The following CCSER2 variants were observed in gnomAD, a reference collection of about 807,000 sequenced individuals.
CCSER2 encodes the protein serine-rich coiled-coil domain-containing protein 2.
A neutral mutation model predicts 92.3 loss-of-function variants in CCSER2; 46 were observed. The ratio of observed to expected loss-of-function variants is 0.50; its 90% confidence interval spans 0.39 to 0.64. The LOEUF (loss-of-function observed/expected upper bound fraction) is 0.64. Ranked by LOEUF, CCSER2 falls within the 30% of genes least tolerant of loss-of-function variation. CCSER2 has a pLI of 0.00. For missense variants in CCSER2, 1,244 were observed against 1,238.9 expected, an observed-to-expected ratio of 1.00 and a Z score of -0.06; for synonymous variants, 433 against 431.4, an observed-to-expected ratio of 1.00 and a Z score of -0.04.
chr10:84,383,560 T>G (rs1047901355), intron 3 of CCSER2, among the ~76,000 whole-genome samples: 1 of 152,176 alleles, frequency 6.6e-6, no homozygotes, highest in Non-Finnish European at 1.5e-5. Context: ...TCTACCCACC[T>G]CAGCCTCCCA....
chr10:84,473,914 A>C (rs886611165), intron 8 of CCSER2, among the ~76,000 whole-genome samples: 1 of 152,126 alleles, frequency 6.6e-6, no homozygotes, highest in African/African-American at 2.4e-5. Context: ...TTATCTTTTT[A>C]AAAAATATAC....
chr10:84,457,329 AATATATTATATATTATATATAAT>A (rs1845763237), intron 6 of CCSER2, among the ~76,000 whole-genome samples: 16 of 53,124 alleles, frequency 3.0e-4, no homozygotes, highest in African/African-American at 9.5e-4. Flanking sequence ...TATTATATAT[AATATATTATATATTATATATAAT>A]ATATATATTT....
chr10:84,436,967 T>C (rs1353893020), intron 5 of CCSER2, among the ~76,000 whole-genome samples: 1 of 152,188 alleles, frequency 6.6e-6, no homozygotes, highest in Non-Finnish European at 1.5e-5. Context: ...TGCGTTGGAA[T>C]TTTTGCACAT....
intron 1 of CCSER2, among the ~76,000 whole-genome samples, chr10:84,362,514 G>A (rs1845555532): frequency 6.6e-6 from 1 of 152,070 alleles, no homozygotes; most frequent in African/African-American, 2.4e-5. Flanking sequence ...TAGTATTTTT[G>A]TTCTTTTAAG....
chr10:84,485,449 A>T (rs1847748800), intron 9 of CCSER2, among the ~76,000 whole-genome samples: 2 of 152,104 alleles, frequency 1.3e-5, no homozygotes, highest in Admixed American at 1.3e-4. Flanking sequence ...TTATTTTCAG[A>T]TTTTTTATAA....
rs552393075 is a variant in CCSER2, at chr10:84,371,760, A to T, written c.708A>T (p.Ser236=). 1 of 1,613,506 alleles carries T rather than the reference A, an allele frequency of 6.2e-7. No homozygotes were observed. Among genetic ancestry groups the T allele is most frequent in the African/African-American group, 1.3e-5 (1 of 74,988 alleles). Reference sequence around the variant, plus strand: ...TTCAGAATTCATTCCTTCCACCTTCATCTATAACCAGATCACATTCCTTTA... The same window carrying T: ...TTCAGAATTCATTCCTTCCACCTTCTTCTATAACCAGATCACATTCCTTTA... ...HSIQNSFLPP[S]SITRSHSFNR... Residue 236 remains serine, a synonymous_variant, in exon 2 of 10, where the codon TCA becomes TCT. Transcript: ENST00000372088.
chr10:84,348,754 ATAAT>A (rs918668955), intron 1 of CCSER2, among the ~76,000 whole-genome samples: 1 of 152,170 alleles, frequency 6.6e-6, no homozygotes, highest in Non-Finnish European at 1.5e-5. Flanking sequence ...TTTTTTGGTA[ATAAT>A]TTTATACTCA....
intron 3 of CCSER2, among the ~76,000 whole-genome samples, chr10:84,380,579 A>C (rs188668140): frequency 6.6e-6 from 1 of 152,066 alleles, no homozygotes. Flanking sequence ...TATTTTGTTT[A>C]CAGAGAGATG....
chr10:84,443,221 T>G (rs1252728081), intron 6 of CCSER2, among the ~76,000 whole-genome samples: 11 of 152,024 alleles, frequency 7.2e-5, no homozygotes, highest in Admixed American at 2.0e-4. Context: ...ACCTAGAGAA[T>G]GGGAGAAAAT....
intron 1 of CCSER2, among the ~76,000 whole-genome samples, chr10:84,364,867 G>C (rs982481833): frequency 6.7e-6 from 1 of 149,998 alleles, no homozygotes; most frequent in Non-Finnish European, 1.5e-5. Flanking sequence ...TCAGCCTCCC[G>C]AGTAGCTCAG....
chr10:84,352,317 C>CAAAAAA (rs138220543), intron 1 of CCSER2, among the ~76,000 whole-genome samples: 7 of 151,520 alleles, frequency 4.6e-5, no homozygotes, highest in African/African-American at 1.7e-4. Flanking sequence ...AAAACAAAAA[C>CAAAAAA]AAAATAGGTG....
intron 1 of CCSER2, among the ~76,000 whole-genome samples, chr10:84,357,064 A>G (rs1285848245): frequency 6.6e-6 from 1 of 152,174 alleles, no homozygotes; most frequent in Non-Finnish European, 1.5e-5. Flanking sequence ...TGTGTTCTCA[A>G]AGAACTTGGC....
chr10:84,466,734 T>C (rs12771126), intron 7 of CCSER2, among the ~76,000 whole-genome samples: 31,700 of 151,516 alleles, frequency 0.21, 3,576 homozygotes, highest in Admixed American at 0.34. Context: ...AGGATTTTCT[T>C]GATCTCCTGA....
intron 6 of CCSER2, among the ~76,000 whole-genome samples, chr10:84,443,072 AG>A (rs1342396655): frequency 1.3e-5 from 2 of 152,354 alleles, no homozygotes; most frequent in African/African-American, 4.8e-5. Flanking sequence ...AATACCATTC[AG>A]GACATAGACA....
chr10:84,483,979 AT>A (rs1564711559), intron 9 of CCSER2, among the ~76,000 whole-genome samples: 1 of 55,790 alleles, frequency 1.8e-5, no homozygotes, highest in East Asian at 7.5e-4. Context: ...ATATATATAT[AT>A]ATATATATAT....
At chr10:84,349,470 C>G (rs1485607458) in intron 1 of CCSER2, among the ~76,000 whole-genome samples, 2 of 151,946 alleles carry the variant, frequency 1.3e-5, no homozygotes, top group Non-Finnish European at 2.9e-5. Context: ...AGTTCGAGAC[C>G]AGCCTGGGCA....
chr10:84,341,931 C>G (rs548311057), intron 1 of CCSER2, among the ~76,000 whole-genome samples: 2 of 152,284 alleles, frequency 1.3e-5, no homozygotes, highest in South Asian at 4.1e-4. Flanking sequence ...TCTGGGTGTA[C>G]CACTCTCCAG....
chr10:84,450,131 T>G (rs1845185087), intron 6 of CCSER2, among the ~76,000 whole-genome samples: 3 of 152,212 alleles, frequency 2.0e-5, no homozygotes, highest in African/African-American at 2.4e-5. Context: ...ATACCTGTGT[T>G]TGTTTATTAT....
chr10:84,378,913 A>G (rs1284649504), intron 3 of CCSER2, among the ~76,000 whole-genome samples: 1 of 152,116 alleles, frequency 6.6e-6, no homozygotes, highest in Non-Finnish European at 1.5e-5. Flanking sequence ...TTCATGAGTA[A>G]GATTGTTCTA....
Sources: allele counts gnomAD v4.1 joint callset (sites outside exome capture counted in the v4.1 genomes callset), GRCh38; gene constraint gnomAD v4.1.1; transcripts MANE v1.5; gene names NCBI Gene and HGNC (gene_info 2026-07-23, HGNC 2026-07-21).